KIFAP3: variants seen among roughly 807,000 people sequenced by gnomAD.
KIFAP3 encodes kinesin-associated protein 3.
KIFAP3 carries 68 observed loss-of-function variants against 106.5 expected under a neutral mutation model. The ratio of observed to expected loss-of-function variants is 0.64; its 90% CI spans 0.53 to 0.78. The LOEUF (loss-of-function observed/expected upper bound fraction) is 0.78, where lower values mean the gene tolerates loss of function less well. Among genes scored for constraint, KIFAP3 ranks in the 30% least tolerant of loss-of-function variants. The probability of loss-of-function intolerance (pLI) is 0.00; values close to 1 mark genes in which losing one functional copy is unlikely to be tolerated. For synonymous variants in KIFAP3, 320 were observed against 311.5 expected (o/e 1.03, Z -0.29); for missense variants, 780 against 941.8 (o/e 0.83, Z 2.25).
chr1:170,008,027 C>T (rs906769053), intron 10 of KIFAP3, among the ~76,000 whole-genome samples: 1 of 152,108 alleles, frequency 6.6e-6, no homozygotes, highest in African/African-American at 2.4e-5. Context: ...GAAAGGATTC[C>T]CTATTTAATA....
intron 16 of KIFAP3, among the ~76,000 whole-genome samples, chr1:169,976,036 C>A (rs567681110): frequency 2.0e-5 from 3 of 152,236 alleles, no homozygotes; most frequent in African/African-American, 7.2e-5. Flanking sequence ...AATAGGAATT[C>A]TCTTAATTCT....
At position 170,001,163 on chromosome 1, in the gene KIFAP3, C is replaced by A. The variant is rs142841647; in HGVS notation, c.1184-8908G>T. On this transcript the variant is annotated intron_variant, in intron 10 of 19. Transcript: ENST00000361580. The stretch of plus-strand genomic sequence containing the variant: ...TATGTCTTCTGTAGAATTTTTATTA[C>A]ATCCATAGAATACAAGTTATTTGCA... Among the ~76,000 whole-genome samples the A allele has an allele frequency of 5.2e-3, 798 of 152,170 alleles. 4 individuals carry two copies. Among genetic ancestry groups the A allele is most frequent in the African/African-American group, 0.018 (749 of 41,532 alleles).
intron 19 of KIFAP3, among the ~76,000 whole-genome samples, chr1:169,950,143 A>T (rs1433238864): frequency 1.3e-5 from 2 of 152,152 alleles, no homozygotes; most frequent in African/African-American, 2.4e-5. Context: ...TTTATGAAGA[A>T]ATAAATAATT....
At chr1:169,981,536 G>A (rs1013322388) in intron 15 of KIFAP3, among the ~76,000 whole-genome samples, 2 of 152,046 alleles carry the variant, frequency 1.3e-5, no homozygotes, top group Non-Finnish European at 2.9e-5. Flanking sequence ...TATTAATTAT[G>A]GTTGTTAATC....
At chr1:170,001,945 G>T (rs1284816112) in intron 10 of KIFAP3, among the ~76,000 whole-genome samples, 1 of 152,034 alleles carries the variant, frequency 6.6e-6, no homozygotes, top group Non-Finnish European at 1.5e-5. Context: ...TTAATATAAA[G>T]TAAATAAGTG....
chr1:170,006,890 T>C (rs1356500918), intron 10 of KIFAP3, among the ~76,000 whole-genome samples: 1 of 152,102 alleles, frequency 6.6e-6, no homozygotes, highest in Non-Finnish European at 1.5e-5. Flanking sequence ...ATGGAATGAA[T>C]GAAGTCAGCA....
intron 19 of KIFAP3, among the ~76,000 whole-genome samples, chr1:169,947,875 A>C (rs946703251): frequency 2.0e-5 from 3 of 151,586 alleles, no homozygotes; most frequent in Non-Finnish European, 3.0e-5. Flanking sequence ...TGAAAGGTGG[A>C]TATTCATTAG....
intron 10 of KIFAP3, among the ~76,000 whole-genome samples, chr1:170,004,650 C>T (rs1470262844): frequency 2.0e-5 from 3 of 151,878 alleles, no homozygotes; most frequent in African/African-American, 4.8e-5. Context: ...AACTGGTTAG[C>T]CATATGTAGA....
chr1:170,055,551 A>T (rs1670800435), intron 1 of KIFAP3, 115 bp from the exon 2 acceptor site: 1 of 674,694 alleles, frequency 1.5e-6, no homozygotes. Flanking sequence ...TTTGAATCAG[A>T]TTACTCTTGA....
Position 170,055,415 on chromosome 1 carries a change from T to A in KIFAP3, c.54A>T (p.Ile18=), listed in dbSNP as rs1034930403. 2 of 1,598,606 alleles carry A rather than the reference T, an allele frequency of 1.3e-6. No individual in the cohort carries two copies. The highest frequency in any genetic ancestry group is 4.5e-5 in the East Asian group (2 of 44,122). ...GTGCTTTTTCTGATGGATGTACATC[T>A]ATATTCCCTCCTTTAACTTTCCTAT... is the stretch of plus-strand genomic sequence containing the variant. ...YLKRKVKGGN[I]DVHPSEKALI... Residue 18 remains isoleucine, a synonymous_variant, in exon 2 of 20, where the codon ATA becomes ATT. Transcript: ENST00000361580.
intron 18 of KIFAP3, among the ~76,000 whole-genome samples, chr1:169,955,088 C>T (rs934432494): frequency 3.3e-5 from 5 of 152,118 alleles, no homozygotes; most frequent in Admixed American, 1.3e-4. Context: ...ACTATTTGGA[C>T]AGCTTTGAGG....
chr1:170,017,545 A>T (rs372716180), intron 9 of KIFAP3, among the ~76,000 whole-genome samples: 1 of 152,336 alleles, frequency 6.6e-6, no homozygotes, highest in East Asian at 1.9e-4. Flanking sequence ...TAGTATAATC[A>T]TAGTATAAAG....
intron 18 of KIFAP3, among the ~76,000 whole-genome samples, chr1:169,956,631 T>A (rs1473810654): frequency 7.2e-6 from 1 of 139,410 alleles, no homozygotes; most frequent in Non-Finnish European, 1.6e-5. Context: ...TTTTTTTTTT[T>A]AGACACAGGG....
In KIFAP3 at chr1:169,983,443, T is replaced by C. The variant is rs1222803111; in HGVS notation, c.1394-61A>G. 6.1e-6 allele frequency: 7 copies of C among 1,151,330 alleles called. No individual in the cohort carries two copies. The East Asian group carries it at 9.7e-5, about 16-fold the overall frequency. The allele number at this position is 1,151,330 out of a possible 1,614,324, so 71.3% of individuals were successfully genotyped here. The stretch of plus-strand genomic sequence containing the variant: ...AGCTTAAGTTTAATAATTTTTTGTT[T>C]AGTTCTCAAAAAAGCCACAACAATT... On this transcript the variant is annotated intron_variant, in intron 12 of 19. Coordinates refer to ENST00000361580, the MANE Select transcript of KIFAP3 (RefSeq NM_014970.4).
chr1:169,945,920 C>A (rs994261447), intron 19 of KIFAP3, among the ~76,000 whole-genome samples: 1 of 152,046 alleles, frequency 6.6e-6, no homozygotes, highest in Non-Finnish European at 1.5e-5. Context: ...CTAATAAAAC[C>A]TAATTCAATT....
chr1:170,046,664 C>T, intron 3 of KIFAP3, 48 bp downstream of exon 3: 5 of 1,392,470 alleles, frequency 3.6e-6, no homozygotes, highest in East Asian at 2.6e-5. Context: ...GAACTATAAT[C>T]AAACAACTTT....
At chr1:170,069,430 T>G (rs761132919) in intron 1 of KIFAP3, among the ~76,000 whole-genome samples, 6 of 152,064 alleles carry the variant, frequency 3.9e-5, no homozygotes, top group Non-Finnish European at 8.8e-5. Context: ...ACCAATACCC[T>G]TTATGAATGT....
intron 3 of KIFAP3, among the ~76,000 whole-genome samples, chr1:170,042,618 T>G (rs543549786): frequency 6.6e-6 from 1 of 152,370 alleles, no homozygotes; most frequent in African/African-American, 2.4e-5. Context: ...AGGTACTAAC[T>G]GAGGGTTCCT....
At chr1:170,078,018 A>C (rs899613847), upstream of KIFAP3, among the ~76,000 whole-genome samples, 1 of 152,130 alleles carries the variant, frequency 6.6e-6, no homozygotes, top group Non-Finnish European at 1.5e-5. Flanking sequence ...ATATTTACAT[A>C]CAGATTTTTG....
Sources: allele counts gnomAD v4.1 joint callset (sites outside exome capture counted in the v4.1 genomes callset), GRCh38; gene constraint gnomAD v4.1.1; transcripts MANE v1.5; gene names NCBI Gene and HGNC (gene_info 2026-07-23, HGNC 2026-07-21).